The following NRCAM variants were observed in gnomAD, a reference collection of about 807,000 sequenced individuals.
NRCAM encodes the protein NgCAM-related cell adhesion molecule.
A neutral mutation model predicts 156.5 loss-of-function variants in NRCAM; 83 were observed. The observed-to-expected ratio is 0.53, with a 90% CI of 0.44 to 0.64. NRCAM has a LOEUF of 0.64. Ranked by LOEUF, NRCAM falls within the 30% of genes least tolerant of loss-of-function variation. The pLI is 0.00. For synonymous variants in NRCAM, 538 were observed against 563.9 expected (o/e 0.95, Z 0.65); for missense variants, 1,417 against 1,597.3 (o/e 0.89, Z 1.92).
chr7:108,455,820 T>A (rs748448893), intron 1 of NRCAM, among the ~76,000 whole-genome samples: 2 of 151,974 alleles, frequency 1.3e-5, no homozygotes, highest in Non-Finnish European at 2.9e-5. Flanking sequence ...CGCGCCTCCG[T>A]GTCCAAGCCC....
At chr7:108,384,466 A>T (rs1432713280) in intron 2 of NRCAM, among the ~76,000 whole-genome samples, 1 of 152,166 alleles carries the variant, frequency 6.6e-6, no homozygotes, top group African/African-American at 2.4e-5. Context: ...TGAACTTTTA[A>T]AAACCTGAAA....
rs187024018 is a variant in NRCAM at position 108,350,269 on chromosome 7, T to C, written c.-173-37538A>G. Among the ~76,000 whole-genome samples, 653 of 152,342 alleles carry C rather than the reference T, an allele frequency of 4.3e-3. 6 individuals are homozygous for C. The highest frequency in any genetic ancestry group is 0.015 in the African/African-American group (628 of 41,584). Reference sequence around the variant, plus strand: ...CTGTTCAACCATCCTAAGATGCTCATGGTGATAGACATTATCAGTGTTCCT... The same window carrying C: ...CTGTTCAACCATCCTAAGATGCTCACGGTGATAGACATTATCAGTGTTCCT... On this transcript the variant is annotated intron_variant, in intron 2 of 32. Coordinates refer to ENST00000379028, the MANE Select transcript of NRCAM (RefSeq NM_001037132.4).
chr7:108,336,681 C>G (rs1171192551), intron 2 of NRCAM, among the ~76,000 whole-genome samples: 1 of 152,204 alleles, frequency 6.6e-6, no homozygotes, highest in Admixed American at 6.5e-5. Flanking sequence ...CCTAAGCTCT[C>G]TCTTCATCCT....
chr7:108,273,494 A>G (rs1000930351), intron 3 of NRCAM, among the ~76,000 whole-genome samples: 1 of 152,128 alleles, frequency 6.6e-6, no homozygotes, highest in East Asian at 1.9e-4. Context: ...TTCTCTGATG[A>G]CCAGTGATGA....
At chr7:108,320,854 G>A (rs2098993243) in intron 2 of NRCAM, among the ~76,000 whole-genome samples, 1 of 152,174 alleles carries the variant, frequency 6.6e-6, no homozygotes, top group Non-Finnish European at 1.5e-5. Context: ...AATATATATG[G>A]TAATAAGAAA....
intron 2 of NRCAM, among the ~76,000 whole-genome samples, chr7:108,367,602 T>G (rs997522654): frequency 6.6e-6 from 1 of 152,176 alleles, no homozygotes; most frequent in Non-Finnish European, 1.5e-5. Context: ...GGAAATGTGC[T>G]AGAATTTTTC....
At chr7:108,345,492 CTT>C (rs1342050987) in intron 2 of NRCAM, among the ~76,000 whole-genome samples, 3 of 152,214 alleles carry the variant, frequency 2.0e-5, no homozygotes, top group Admixed American at 6.5e-5. Flanking sequence ...GCTATGAACT[CTT>C]TGTGTCCTCC....
chr7:108,352,088 G>C (rs1380660491), intron 2 of NRCAM, among the ~76,000 whole-genome samples: 3 of 152,128 alleles, frequency 2.0e-5, no homozygotes, highest in South Asian at 2.1e-4. Context: ...ATTATACAAA[G>C]TATTATTATT....
Position 108,231,220 on chromosome 7 carries a change from A to C in NRCAM, c.428-67T>G. 1.2e-5 allele frequency: 14 copies of C among 1,191,340 alleles called. No individual in the cohort carries two copies. In the South Asian group the frequency reaches 2.2e-4, roughly 19 times the overall value. The allele number at this position is 1,191,340 out of a possible 1,614,324, so 73.8% of individuals were successfully genotyped here. On this transcript the variant is annotated intron_variant, in intron 7 of 32. Transcript: ENST00000379028. ...AAAAGTACAAAAAGAAAGCCCTACA[A>C]ATAAAGGCAAACTGAAGTTTTGGAG...
At chr7:108,276,660 G>A (rs2097638884) in intron 3 of NRCAM, among the ~76,000 whole-genome samples, 2 of 151,946 alleles carry the variant, frequency 1.3e-5, no homozygotes, top group African/African-American at 4.8e-5. Flanking sequence ...CCTGAATACA[G>A]CACAATGATG....
At position 108,232,479 on chromosome 7, in the gene NRCAM, C is replaced by T. The variant is rs970202369; in HGVS notation, c.274G>A (p.Asp92Asn). The T allele has an allele frequency of 6.2e-7, 1 of 1,612,854 alleles. No individual in the cohort carries two copies. The highest frequency in any genetic ancestry group is 8.5e-7 in the Non-Finnish European group (1 of 1,179,618). Residue 92 changes from aspartate (D) to asparagine (N), a missense_variant, in exon 7 of 33, where the codon GAC (aspartate) becomes AAC (asparagine). This residue lies in a region of NRCAM where 1,238 missense variants were observed against 1,336.4 expected (regional missense o/e 0.93). Coordinates refer to ENST00000379028, the MANE Select transcript of NRCAM (RefSeq NM_001037132.4). Reference protein sequence around the residue: ...RNGTHFDIDKDPLVTMKPGTG... With the variant: ...RNGTHFDIDKNPLVTMKPGTG... ...CCAGGCTTCATGGTGACCAGAGGGT[C>T]TTTATCGATGTCAAAATGAGTCCCA...
At chr7:108,422,459 T>C (rs768249094) in intron 1 of NRCAM, among the ~76,000 whole-genome samples, 4 of 152,158 alleles carry the variant, frequency 2.6e-5, no homozygotes, top group Non-Finnish European at 4.4e-5. Flanking sequence ...ACTTACTGTA[T>C]CCCTTTGGCC....
chr7:108,403,360 T>C (rs1475206841), intron 1 of NRCAM, among the ~76,000 whole-genome samples: 1 of 152,234 alleles, frequency 6.6e-6, no homozygotes, highest in African/African-American at 2.4e-5. Context: ...AAGAACACTA[T>C]CTAGCAAAAT....
chr7:108,169,609 A>G (rs1400918286), intron 28 of NRCAM, among the ~76,000 whole-genome samples: 1 of 152,210 alleles, frequency 6.6e-6, no homozygotes. Flanking sequence ...CAAATTTTGT[A>G]TCTCTTTGTG....
chr7:108,384,818 C>T (rs559376405), intron 2 of NRCAM, among the ~76,000 whole-genome samples: 2 of 152,318 alleles, frequency 1.3e-5, no homozygotes, highest in East Asian at 3.9e-4. Context: ...GCAGTGCCTA[C>T]TATTGGTTCA....
At chr7:108,278,947 C>T (rs1223949218) in intron 3 of NRCAM, among the ~76,000 whole-genome samples, 2 of 152,188 alleles carry the variant, frequency 1.3e-5, no homozygotes, top group Non-Finnish European at 1.5e-5. Flanking sequence ...GAATAATGAA[C>T]TTGGACTCCC....
At chr7:108,254,179 C>G (rs141540338) in intron 3 of NRCAM, among the ~76,000 whole-genome samples, 3 of 152,166 alleles carry the variant, frequency 2.0e-5, no homozygotes, top group African/African-American at 7.2e-5. Context: ...AAGAAACCAA[C>G]AAGAAAATGC....
At chr7:108,161,378 G>A (rs1411122498) in intron 30 of NRCAM, among the ~76,000 whole-genome samples, 1 of 152,156 alleles carries the variant, frequency 6.6e-6, no homozygotes, top group African/African-American at 2.4e-5. Context: ...ACAGAATAAT[G>A]AGCATTTCGG....
At chr7:108,267,379 C>T (rs2097147408) in intron 3 of NRCAM, among the ~76,000 whole-genome samples, 1 of 152,216 alleles carries the variant, frequency 6.6e-6, no homozygotes, top group Non-Finnish European at 1.5e-5. Flanking sequence ...TATAATATAG[C>T]AATTGCTCCC....
Sources: gnomAD v4.1 joint callset for allele counts (sites outside exome capture counted in the v4.1 genomes callset) on GRCh38, gnomAD v4.1.1 for gene constraint, gnomAD v4.1.1 regional missense constraint, MANE v1.5 for transcripts, NCBI Gene and HGNC (gene_info 2026-07-23, HGNC 2026-07-21) for gene names.